The following RGS10 variants were observed in gnomAD, a reference collection of about 807,000 sequenced individuals.
The protein encoded by RGS10 is regulator of G protein signaling 10.
In RGS10, 11 loss-of-function variants were observed where a neutral mutation model predicts 23.5. The observed-to-expected ratio is 0.47, with a 90% CI of 0.29 to 0.77. The LOEUF (loss-of-function observed/expected upper bound fraction) is 0.77. Among genes scored for constraint, RGS10 ranks in the 30% least tolerant of loss-of-function variants. The probability of loss-of-function intolerance (pLI) is 0.08; values close to 1 mark genes in which losing one functional copy is unlikely to be tolerated. For missense variants in RGS10, 180 were observed against 226.3 expected, an observed-to-expected ratio of 0.80 and a Z score of 1.31; for synonymous variants, 77 against 83.2, an observed-to-expected ratio of 0.92 and a Z score of 0.41.
chr10:119,527,941 C>A lies in RGS10; in HGVS notation c.50-517G>T, dbSNP rs1192102480. ...GGCACAGAGATTAAAAAACTCATTG[C>A]AGGACGGGACCCACGTGATGGCGCA... is the stretch of plus-strand genomic sequence containing the variant. On this transcript the variant is annotated intron_variant, in intron 1 of 4. Coordinates refer to ENST00000369103, the MANE Select transcript of RGS10 (RefSeq NM_001005339.2). This position sits in a 1 kb window ranked among gnomAD's most constrained non-coding sequence, Gnocchi z 4.2. Among the ~76,000 whole-genome samples the A allele has an allele frequency of 8.5e-5, 13 of 152,166 alleles. No individual in the cohort carries two copies. Among genetic ancestry groups the A allele is most frequent in the Non-Finnish European group, 5.9e-5 (4 of 68,030 alleles).
At chr10:119,512,310 T>G (rs944530598) in intron 4 of RGS10, among the ~76,000 whole-genome samples, 2 of 152,024 alleles carry the variant, frequency 1.3e-5, no homozygotes, top group African/African-American at 4.8e-5. Context: ...TCTCCTTCAC[T>G]TAGGAAAACA....
chr10:119,534,196 C>T (rs1406502248), intron 1 of RGS10, among the ~76,000 whole-genome samples: 2 of 151,304 alleles, frequency 1.3e-5, no homozygotes, highest in Non-Finnish European at 2.9e-5. Context: ...GCGGAGGTTG[C>T]AGTGAGCTGA....
chr10:119,540,855 T>C lies in RGS10; in HGVS notation c.49+1735A>G, dbSNP rs1042946704. Among the ~76,000 whole-genome samples, 6 of 152,232 alleles carry C rather than the reference T, an allele frequency of 3.9e-5. No individual in the cohort carries two copies. In the East Asian group the frequency reaches 1.2e-3, roughly 29 times the overall value. On this transcript the variant is annotated intron_variant, in intron 1 of 4. Coordinates refer to ENST00000369103, the MANE Select transcript of RGS10 (RefSeq NM_001005339.2). ...CACTTTTATTATGTGCCACACATTG[T>C]ACTAGGGGCTTCATATGGTTTTGAG...
At chr10:119,521,520 A>G (rs1844211888) in intron 3 of RGS10, among the ~76,000 whole-genome samples, 1 of 151,002 alleles carries the variant, frequency 6.6e-6, no homozygotes, top group African/African-American at 2.4e-5. Flanking sequence ...CAGTGAGCCG[A>G]GATCATGCCA....
chr10:119,507,697 G>A (rs7067827), intron 4 of RGS10, among the ~76,000 whole-genome samples: 133,036 of 151,254 alleles, frequency 0.88, 59,006 homozygotes, highest in Non-Finnish European at 0.95. Flanking sequence ...TGATTCTCCC[G>A]ACCCAGACTC....
chr10:119,526,964 G>A (rs1419348558), intron 2 of RGS10, among the ~76,000 whole-genome samples: 2 of 151,992 alleles, frequency 1.3e-5, no homozygotes, highest in Non-Finnish European at 2.9e-5. Context: ...CCCCAAGCAC[G>A]AGAGAACAAG....
rs1325528997 is a variant in RGS10, at chr10:119,527,057, C to G, written c.168+249G>C. Among the ~76,000 whole-genome samples the G allele has an allele frequency of 6.6e-6, 1 of 151,908 alleles. No homozygotes were observed. The highest frequency in any genetic ancestry group is 6.6e-5 in the Admixed American group (1 of 15,236). The stretch of plus-strand genomic sequence containing the variant: ...CACGGTATCTTCTCTCTCCTCCCAC[C>G]CTGTACCCCTCCCACCTCACTACAC... On this transcript the variant is annotated intron_variant, in intron 2 of 4. Coordinates refer to ENST00000369103, the MANE Select transcript of RGS10 (RefSeq NM_001005339.2). The surrounding 1 kb of genome is among the most constrained non-coding windows in gnomAD (Gnocchi z 4.2).
chr10:119,521,610 A>G (rs60358822), intron 3 of RGS10, among the ~76,000 whole-genome samples: 25 of 102,202 alleles, frequency 2.4e-4, no homozygotes, highest in East Asian at 4.8e-4. Flanking sequence ...GGAAAGAAAG[A>G]AAGGAAGGAA....
Position 119,515,651 on chromosome 10 carries a change from A to C in RGS10, c.257T>G (p.Met86Arg). 6.2e-7 allele frequency: 1 copy of C among 1,611,860 alleles called. No homozygotes were observed. Among genetic ancestry groups the C allele is most frequent in the Non-Finnish European group, 8.5e-7 (1 of 1,179,264 alleles). ...DFKKMQDKTQ[M>R]QEKAKEIYMT... The stretch of plus-strand genomic sequence containing the variant: ...GTAGATCTCCTTTGCCTTTTCCTGC[A>C]TCTGGAGGAGACAGATGGGGCCTTG... The change falls in exon 4 of 5, where the codon ATG becomes AGG. Residue 86 changes from methionine to arginine, a missense_variant and splice_region_variant. Coordinates refer to ENST00000369103, the MANE Select transcript of RGS10 (RefSeq NM_001005339.2).
At chr10:119,520,996 C>T (rs1844206184) in intron 3 of RGS10, among the ~76,000 whole-genome samples, 2 of 152,258 alleles carry the variant, frequency 1.3e-5, no homozygotes, top group South Asian at 2.1e-4. Context: ...GATTATATGG[C>T]TCCACAAAGA....
chr10:119,530,037 A>G (rs2133958271), intron 1 of RGS10, among the ~76,000 whole-genome samples: 1 of 152,336 alleles, frequency 6.6e-6, no homozygotes, highest in South Asian at 2.1e-4. Flanking sequence ...GGTTGCAGTG[A>G]GCTGAGATTG....
intron 4 of RGS10, among the ~76,000 whole-genome samples, chr10:119,515,154 T>C (rs1844126959): frequency 6.6e-6 from 1 of 152,178 alleles, no homozygotes; most frequent in South Asian, 2.1e-4. Context: ...CCTGCTTGCT[T>C]TCTGGAGTTT....
chr10:119,526,399 A>G (rs773287810), intron 2 of RGS10, among the ~76,000 whole-genome samples: 29 of 152,268 alleles, frequency 1.9e-4, no homozygotes, highest in Non-Finnish European at 3.8e-4. Context: ...ACCAAAAAGT[A>G]AATTAAAGTG....
intron 4 of RGS10, among the ~76,000 whole-genome samples, chr10:119,501,183 C>A (rs946656052): frequency 6.6e-6 from 1 of 152,200 alleles, no homozygotes. Context: ...TTCCAGCTGT[C>A]AAGGGCTATG....
chr10:119,539,376 A>C (rs1844417344), intron 1 of RGS10, among the ~76,000 whole-genome samples: 1 of 152,244 alleles, frequency 6.6e-6, no homozygotes, highest in African/African-American at 2.4e-5. Context: ...GGACGGCCGA[A>C]ACCTGCCCGG....
At position 119,527,664 on chromosome 10, in the gene RGS10, G is replaced by A. The variant is rs1844291612; in HGVS notation, c.50-240C>T. 6.6e-6 allele frequency among the ~76,000 whole-genome samples: 1 copy of A among 152,134 alleles called. No homozygotes were observed. The highest frequency in any genetic ancestry group is 2.4e-5 in the African/African-American group (1 of 41,428). ...TAAACTGAGGCTCGGAGGGATGAAG[G>A]GACCTGCTGTTTCCCACCAAATCCT... On this transcript the variant is annotated intron_variant, in intron 1 of 4. Coordinates refer to ENST00000369103, the MANE Select transcript of RGS10 (RefSeq NM_001005339.2). The surrounding 1 kb of genome is among the most constrained non-coding windows in gnomAD (Gnocchi z 4.2).
intron 1 of RGS10, among the ~76,000 whole-genome samples, chr10:119,542,162 C>A (rs1844440000): frequency 6.6e-6 from 1 of 152,170 alleles, no homozygotes; most frequent in African/African-American, 2.4e-5. Context: ...AGTCGGATGC[C>A]CGGGTCCAGC....
chr10:119,501,348 G>A (rs147005924), intron 4 of RGS10, among the ~76,000 whole-genome samples: 19 of 152,298 alleles, frequency 1.2e-4, no homozygotes, highest in South Asian at 1.0e-3. Flanking sequence ...ACTGCCAGGC[G>A]GGGTTGTCAA....
intron 1 of RGS10, among the ~76,000 whole-genome samples, chr10:119,534,304 T>TAAATAAATAAAAA (rs1554858928): frequency 8.5e-6 from 1 of 117,182 alleles, no homozygotes; most frequent in Non-Finnish European, 1.8e-5. Context: ...AATAAATAAA[T>TAAATAAATAAAAA]AAAAAAGGCC....
Sources: gnomAD v4.1 joint callset for allele counts (sites outside exome capture counted in the v4.1 genomes callset) on GRCh38, gnomAD v4.1.1 for gene constraint, Gnocchi (gnomAD v3.1) non-coding constraint, MANE v1.5 for transcripts, NCBI Gene and HGNC (gene_info 2026-07-23, HGNC 2026-07-21) for gene names.